The following EYS variants were observed in gnomAD, a reference collection of about 807,000 sequenced individuals.
EYS encodes the protein EGF-like photoreceptor maintenance factor.
A neutral mutation model predicts 282.1 loss-of-function variants in EYS; 250 were observed. The observed-to-expected ratio is 0.89, with a 90% CI of 0.80 to 0.98. The LOEUF is 0.98. Ranked by LOEUF, EYS falls within the 50% of genes least tolerant of loss-of-function variation. The pLI, the probability that EYS is intolerant of heterozygous loss-of-function variation, is 0.00. For synonymous variants in EYS, 1,355 were observed against 1,282.9 expected (o/e 1.06, Z -1.20); for missense variants, 4,016 against 3,709.0 (o/e 1.08, Z -2.15).
At chr6:64,377,120 G>T (rs1772586839) in intron 29 of EYS, among the ~76,000 whole-genome samples, 1 of 152,072 alleles carries the variant, frequency 6.6e-6, no homozygotes, top group Non-Finnish European at 1.5e-5. Flanking sequence ...TAGATAGATA[G>T]ATAGATACAT....
At chr6:63,734,123 C>T (rs1354076549) in intron 41 of EYS, among the ~76,000 whole-genome samples, 1 of 152,002 alleles carries the variant, frequency 6.6e-6, no homozygotes, top group South Asian at 2.1e-4. Context: ...ACTACAAAAT[C>T]GGGACGAGGC....
intron 29 of EYS, among the ~76,000 whole-genome samples, chr6:64,322,659 G>A (rs528172876): frequency 6.6e-6 from 1 of 152,012 alleles, no homozygotes; most frequent in East Asian, 1.9e-4. Context: ...GAAACTCAGG[G>A]GCAAATAATC....
chr6:64,364,138 C>T lies in EYS; in HGVS notation c.6078+24552G>A, dbSNP rs180826394. ...TCTAGGCTTTTTCCTGTTTCCTTTA[C>T]CAAATTTCTGGCCAAGAAAAATCTA... On this transcript the variant is annotated intron_variant, in intron 29 of 42. Transcript: ENST00000503581. 1.0e-3 allele frequency among the ~76,000 whole-genome samples: 156 copies of T among 151,852 alleles called. 3 individuals carry two copies. In the East Asian group the frequency reaches 0.019, roughly 19 times the overall value.
chr6:64,025,345 T>C (rs949749673), intron 33 of EYS, among the ~76,000 whole-genome samples: 2 of 152,116 alleles, frequency 1.3e-5, no homozygotes, highest in Non-Finnish European at 2.9e-5. Context: ...AACAACAAGT[T>C]GGTTGACCCT....
intron 13 of EYS, among the ~76,000 whole-genome samples, chr6:65,046,228 G>A (rs1489182052): frequency 1.3e-5 from 2 of 151,866 alleles, no homozygotes; most frequent in Admixed American, 6.6e-5. Context: ...GAAGACTGAT[G>A]TCAAGAAATG....
intron 22 of EYS, among the ~76,000 whole-genome samples, chr6:64,728,544 C>A (rs191726727): frequency 1.6e-3 from 247 of 152,182 alleles, no homozygotes; most frequent in African/African-American, 5.6e-3. Flanking sequence ...ACCGCATTAT[C>A]CAGGATGGTC....
intron 31 of EYS, among the ~76,000 whole-genome samples, chr6:64,163,747 T>C (rs1775182042): frequency 6.6e-6 from 1 of 152,100 alleles, no homozygotes; most frequent in African/African-American, 2.4e-5. Flanking sequence ...TCTGGCACTT[T>C]AGAAAAATAT....
At chr6:64,272,107 T>A (rs184604342) in intron 30 of EYS, among the ~76,000 whole-genome samples, 60 of 152,264 alleles carry the variant, frequency 3.9e-4, no homozygotes, top group African/African-American at 1.4e-3. Context: ...TTGTTTTGCT[T>A]TGTTTTGTTT....
At chr6:65,268,666 G>A (rs527985132) in intron 12 of EYS, among the ~76,000 whole-genome samples, 12 of 152,018 alleles carry the variant, frequency 7.9e-5, no homozygotes, top group South Asian at 2.1e-4. Context: ...CAACTATATC[G>A]AAATTGGAAA....
intron 15 of EYS, among the ~76,000 whole-genome samples, chr6:64,913,450 T>C (rs1379094526): frequency 7.2e-5 from 11 of 152,064 alleles, no homozygotes; most frequent in Admixed American, 7.2e-4. Context: ...ATTGTTTCCA[T>C]CTTTATGTCC....
At chr6:64,071,770 T>A (rs2149859904) in intron 32 of EYS, among the ~76,000 whole-genome samples, 1 of 151,668 alleles carries the variant, frequency 6.6e-6, no homozygotes, top group South Asian at 2.1e-4. Context: ...TAGTTTTTGA[T>A]GTTACAACAC....
chr6:63,827,866 A>T lies in EYS; in HGVS notation c.7229-21494T>A, dbSNP rs113456664. 3.9e-4 allele frequency among the ~76,000 whole-genome samples: 58 copies of T among 148,498 alleles called. 1 individual carries two copies. Among genetic ancestry groups the T allele is most frequent in the East Asian group, 3.2e-3 (16 of 5,054 alleles). On this transcript the variant is annotated intron_variant, in intron 36 of 42. Transcript: ENST00000503581. ...ACTCCGTCTCAAAAAAAAAAAAAAA[A>T]AAAAAGAAATTACATCAAGCACTCT...
intron 1 of EYS, among the ~76,000 whole-genome samples, chr6:65,652,923 G>A (rs1767704608): frequency 1.3e-5 from 2 of 151,890 alleles, no homozygotes; most frequent in Admixed American, 6.6e-5. Flanking sequence ...CAGAGGTTTG[G>A]CTACACAGAT....
chr6:65,684,463 T>C (rs1582599996), intron 1 of EYS, among the ~76,000 whole-genome samples: 2 of 152,110 alleles, frequency 1.3e-5, no homozygotes, highest in East Asian at 3.9e-4. Flanking sequence ...ACCTTCTTTC[T>C]CAAACAATGT....
intron 12 of EYS, among the ~76,000 whole-genome samples, chr6:65,123,135 C>T (rs77656751): frequency 0.022 from 3,272 of 152,068 alleles, 37 homozygotes; most frequent in African/African-American, 0.027. Flanking sequence ...CTAATTGCTA[C>T]GTAAACATCC....
chr6:65,389,836 G>T (rs1765945666), intron 7 of EYS, among the ~76,000 whole-genome samples: 2 of 151,970 alleles, frequency 1.3e-5, no homozygotes, highest in African/African-American at 4.8e-5. Context: ...GAATTAAACA[G>T]GTTTGGTGTT....
intron 32 of EYS, among the ~76,000 whole-genome samples, chr6:64,074,946 A>T (rs114663263): frequency 5.4e-4 from 82 of 152,082 alleles, no homozygotes; most frequent in Middle Eastern, 3.4e-3. Flanking sequence ...AATAGCTCAC[A>T]CTAACTTGGG....
At chr6:64,381,597 C>T (rs958523291) in intron 29 of EYS, among the ~76,000 whole-genome samples, 16 of 151,930 alleles carry the variant, frequency 1.1e-4, no homozygotes, top group Admixed American at 7.9e-4. Flanking sequence ...TGTAAGTGGA[C>T]GTTATTGTTG....
chr6:64,570,554 C>A (rs530340848), intron 26 of EYS, among the ~76,000 whole-genome samples: 1 of 151,738 alleles, frequency 6.6e-6, no homozygotes, highest in East Asian at 1.9e-4. Context: ...AACTGTCTCA[C>A]GTGTATAGGC....
Sources: allele counts gnomAD v4.1 joint callset (sites outside exome capture counted in the v4.1 genomes callset), GRCh38; gene constraint gnomAD v4.1.1; transcripts MANE v1.5; gene names NCBI Gene and HGNC (gene_info 2026-07-23, HGNC 2026-07-21).